PTK2: variants seen among roughly 807,000 people sequenced by gnomAD.
PTK2 encodes the protein focal adhesion kinase 1.
A neutral mutation model predicts 150.1 loss-of-function variants in PTK2; 45 were observed. The ratio of observed to expected loss-of-function variants is 0.30; its 90% confidence interval spans 0.24 to 0.38. The LOEUF (loss-of-function observed/expected upper bound fraction) is 0.38. Ranked by LOEUF, PTK2 falls within the 10% of genes least tolerant of loss-of-function variation. The pLI is 1.00. For missense variants in PTK2, 919 were observed against 1,307.3 expected (o/e 0.70, Z 4.58); for synonymous variants, 432 against 449.2 (o/e 0.96, Z 0.48).
intron 1 of PTK2, among the ~76,000 whole-genome samples, chr8:140,970,488 A>G (rs987025524): frequency 6.6e-6 from 1 of 152,236 alleles, no homozygotes; most frequent in Non-Finnish European, 1.5e-5. Flanking sequence ...AGGCCAAAAA[A>G]CAATGGATGT....
At chr8:140,814,698 TC>T (rs1020078775) in intron 10 of PTK2, among the ~76,000 whole-genome samples, 1 of 151,706 alleles carries the variant, frequency 6.6e-6, no homozygotes, top group African/African-American at 2.4e-5. Context: ...TAGCAATTCC[TC>T]AACACCTACA....
rs372164266 is a variant in PTK2 at position 140,866,049 on chromosome 8, G to A, written c.363-1650C>T. ...ACAAATCCGCCTGCCTTGGCCTCCC[G>A]AAGTGCTGAGATTACAGGCGTGTGA... On this transcript the variant is annotated intron_variant, in intron 4 of 31. Transcript: ENST00000522684. Among the ~76,000 whole-genome samples, 259 of 152,222 alleles carry A rather than the reference G, an allele frequency of 1.7e-3. 2 individuals carry two copies. The highest frequency in any genetic ancestry group is 5.9e-3 in the African/African-American group (246 of 41,526).
chr8:140,811,708 T>G (rs1188307603), intron 10 of PTK2, among the ~76,000 whole-genome samples: 2 of 152,080 alleles, frequency 1.3e-5, no homozygotes, highest in Admixed American at 1.3e-4. Flanking sequence ...ATAGCCAGAA[T>G]AGAAAAGAAC....
At chr8:140,721,933 T>G (rs1458796214) in intron 22 of PTK2, 1 of 152,218 alleles carries the variant, frequency 6.6e-6, no homozygotes, top group Non-Finnish European at 1.5e-5. Flanking sequence ...GCATTGTAAA[T>G]ATCTGTTTGT....
intron 1 of PTK2, among the ~76,000 whole-genome samples, chr8:140,985,502 A>C (rs2100192990): frequency 6.6e-6 from 1 of 152,176 alleles, no homozygotes; most frequent in Non-Finnish European, 1.5e-5. Context: ...GCTTCAAACC[A>C]ATCTCCACAC....
At chr8:140,968,602 G>A (rs2100186135) in intron 1 of PTK2, among the ~76,000 whole-genome samples, 1 of 152,192 alleles carries the variant, frequency 6.6e-6, no homozygotes, top group Admixed American at 6.5e-5. Flanking sequence ...CTTCACCGCT[G>A]TTCTATTCTG....
chr8:140,970,654 A>C (rs2100186896), intron 1 of PTK2, among the ~76,000 whole-genome samples: 2 of 152,196 alleles, frequency 1.3e-5, no homozygotes, highest in Admixed American at 6.5e-5. Flanking sequence ...ACTCAAATGA[A>C]CTCAACAGCC....
At chr8:140,741,448 C>T (rs930876453) in intron 20 of PTK2, among the ~76,000 whole-genome samples, 47 of 149,844 alleles carry the variant, frequency 3.1e-4, no homozygotes, top group Non-Finnish European at 4.0e-4. Flanking sequence ...GAGTGAGACT[C>T]TGTCTCAAAA....
chr8:140,742,597 T>C (rs1171983373), intron 20 of PTK2, among the ~76,000 whole-genome samples: 2 of 152,238 alleles, frequency 1.3e-5, no homozygotes, highest in African/African-American at 4.8e-5. Flanking sequence ...ATTTTCCTAA[T>C]GGACACAGAT....
chr8:140,937,599 A>AC (rs397805335), intron 1 of PTK2, among the ~76,000 whole-genome samples: 3 of 149,682 alleles, frequency 2.0e-5, no homozygotes, highest in Non-Finnish European at 4.5e-5. Context: ...AAAAAAAAAA[A>AC]CACAAAAAAA....
exon 30 of PTK2, chr8:140,668,326 G>C (rs141828978): frequency 1.2e-6 from 2 of 1,613,930 alleles, no homozygotes; most frequent in African/African-American, 1.3e-5. Context: ...TGGACATCTC[G>C]ATGACAGCTT....
At chr8:140,814,499 C>T (rs1052167886) in intron 10 of PTK2, among the ~76,000 whole-genome samples, 1 of 152,060 alleles carries the variant, frequency 6.6e-6, no homozygotes, top group Non-Finnish European at 1.5e-5. Context: ...AAGGCTGGGT[C>T]AACATATGCA....
At chr8:140,803,937 G>A (rs189752022) in intron 10 of PTK2, among the ~76,000 whole-genome samples, 2 of 152,290 alleles carry the variant, frequency 1.3e-5, no homozygotes, top group East Asian at 3.9e-4. Context: ...AGAAGATAAA[G>A]GAGGGAGGGA....
chr8:140,782,253 T>TGGG (rs1182335058), intron 14 of PTK2, among the ~76,000 whole-genome samples: 2 of 111,360 alleles, frequency 1.8e-5, no homozygotes, highest in African/African-American at 8.1e-5. Context: ...GTTTTTTTTT[T>TGGG]TGGGGGGGGG....
Position 140,702,551 on chromosome 8 carries a change from C to A in PTK2, c.2367+19G>T. On this transcript the variant is annotated intron_variant, in intron 25 of 31. Transcript: ENST00000522684. ...TGCTTTATAAGTTAACAAACTGAAG[C>A]CCAAGACACCCGATTTACCTCCACA... 1.2e-6 allele frequency: 2 copies of A among 1,611,976 alleles called. No homozygotes were observed. The highest frequency in any genetic ancestry group is 1.7e-6 in the Non-Finnish European group (2 of 1,178,972).
intron 4 of PTK2, among the ~76,000 whole-genome samples, chr8:140,865,555 T>C (rs1471589386): frequency 6.6e-6 from 1 of 152,206 alleles, no homozygotes; most frequent in Non-Finnish European, 1.5e-5. Flanking sequence ...TGCAATCTTT[T>C]GAGGAAGCAA....
intron 5 of PTK2, among the ~76,000 whole-genome samples, chr8:140,854,924 G>C (rs1417140231): frequency 6.6e-6 from 1 of 152,130 alleles, no homozygotes; most frequent in Admixed American, 6.5e-5. Context: ...GGTGGTGGTA[G>C]AAATAATTTA....
At chr8:140,963,858 T>C (rs937672364) in intron 1 of PTK2, among the ~76,000 whole-genome samples, 1 of 152,014 alleles carries the variant, frequency 6.6e-6, no homozygotes, top group African/African-American at 2.4e-5. Context: ...AGAGGAGAAC[T>C]TGAGGGGGGT....
chr8:140,879,492 G>A (rs756130164), exon 4 of PTK2: 3 of 1,611,608 alleles, frequency 1.9e-6, no homozygotes, highest in East Asian at 4.5e-5. Context: ...TGGTGGGTGA[G>A]CAAGCTCATA....
Sources: allele counts gnomAD v4.1 joint callset (sites outside exome capture counted in the v4.1 genomes callset), GRCh38; gene constraint gnomAD v4.1.1; transcripts MANE v1.5; gene names NCBI Gene and HGNC (gene_info 2026-07-23, HGNC 2026-07-21).